RDH11: variants seen among roughly 807,000 people sequenced by gnomAD.
RDH11 encodes HCV core-binding protein HCBP12.
RDH11 carries 19 observed loss-of-function variants against 33.4 expected under a neutral mutation model. That is an observed-to-expected ratio of 0.57 (90% CI 0.40 to 0.83). The LOEUF is 0.83. RDH11 is among the 40% of genes least tolerant of loss of function. The probability of loss-of-function intolerance (pLI) is 0.00; values close to 1 mark genes in which losing one functional copy is unlikely to be tolerated. For synonymous variants in RDH11, 154 were observed against 155.3 expected, an observed-to-expected ratio of 0.99 and a Z score of 0.06; for missense variants, 353 against 389.0, an observed-to-expected ratio of 0.91 and a Z score of 0.78.
At chr14:67,694,435 T>C (rs1452543340) in intron 1 of RDH11, among the ~76,000 whole-genome samples, 2 of 135,924 alleles carry the variant, frequency 1.5e-5, no homozygotes, top group African/African-American at 2.6e-5. Context: ...TCCTGGAATA[T>C]ATATATATAT....
chr14:67,684,380 G>T (rs2037650321), intron 6 of RDH11: 1 of 152,176 alleles, frequency 6.6e-6, no homozygotes, highest in South Asian at 2.1e-4. Context: ...ATGGAAAGGG[G>T]TAGAGAATGG....
chr14:67,681,155 G>A (rs2037611087), intron 6 of RDH11, among the ~76,000 whole-genome samples: 1 of 152,182 alleles, frequency 6.6e-6, no homozygotes, highest in South Asian at 2.1e-4. Context: ...AAAAGAGGAA[G>A]AGACACCAGG....
chr14:67,684,241 T>C (rs2037648818), intron 6 of RDH11, among the ~76,000 whole-genome samples: 1 of 152,194 alleles, frequency 6.6e-6, no homozygotes, highest in Non-Finnish European at 1.5e-5. Flanking sequence ...CTTAATGCTA[T>C]TTTCAGCTAC....
At position 67,677,227 on chromosome 14, in the gene RDH11, C is replaced by T. The variant is rs1227343328; in HGVS notation, c.*1094G>A. The T allele has an allele frequency of 1.3e-5, 2 of 152,080 alleles. No homozygotes were observed. The highest frequency in any genetic ancestry group is 6.6e-5 in the Admixed American group (1 of 15,260). 9.4% of individuals were successfully genotyped at this position (152,080 alleles called of 1,614,324 possible). Reference sequence around the variant, plus strand: ...CCAAATAAAATACAAAATTTTGGCACAGACATTTTAATCTTGTCAAGACAA... The same window carrying T: ...CCAAATAAAATACAAAATTTTGGCATAGACATTTTAATCTTGTCAAGACAA... On this transcript the variant is annotated 3_prime_UTR_variant, in exon 7 of 7. Transcript: ENST00000381346.
intron 4 of RDH11, 100 bp from the exon 5 acceptor site, chr14:67,690,521 A>G: frequency 2.1e-6 from 2 of 954,640 alleles, no homozygotes; most frequent in Non-Finnish European, 3.2e-6. Context: ...TAATTCAGAA[A>G]TAAGGTCTTT....
chr14:67,678,416 G>A lies in RDH11; in HGVS notation c.862C>T (p.His288Tyr), dbSNP rs2037571539. Residue 288 changes from histidine to tyrosine, a missense_variant, in exon 7 of 7, where the codon CAT (histidine) becomes TAT (tyrosine). Coordinates refer to ENST00000381346, the MANE Select transcript of RDH11 (RefSeq NM_016026.4). ...GCTTGGGCAGAGACCCATGCCACATGACAGTCACTGGAAGGTAAAGAGAAA... is the reference window on the plus strand; with the variant it reads ...GCTTGGGCAGAGACCCATGCCACATAACAGTCACTGGAAGGTAAAGAGAAA... The part of the protein sequence containing the change: ...ILSGNHFSDC[H>Y]VAWVSAQARN... 3.1e-6 allele frequency: 5 copies of A among 1,610,630 alleles called. No homozygotes were observed. The highest frequency in any genetic ancestry group is 4.2e-6 in the Non-Finnish European group (5 of 1,176,984).
chr14:67,692,245 A>AT, intron 3 of RDH11, 193 bp downstream of exon 3: 1 of 602,900 alleles, frequency 1.7e-6, no homozygotes, highest in Non-Finnish European at 2.9e-6. Context: ...TTTTGAATTC[A>AT]TTTTTTGTTT....
intron 5 of RDH11, among the ~76,000 whole-genome samples, chr14:67,687,040 C>T (rs762646909): frequency 1.3e-5 from 2 of 152,140 alleles, no homozygotes; most frequent in Non-Finnish European, 2.9e-5. Flanking sequence ...GCAGTGTTCC[C>T]GACATGCCCA....
chr14:67,692,304 T>C (rs1464934645), intron 3 of RDH11, 134 bp downstream of exon 3: 7 of 852,280 alleles, frequency 8.2e-6, no homozygotes, highest in Non-Finnish European at 1.1e-5. Context: ...CCAGTGACTA[T>C]GAGTTCAGCT....
chr14:67,689,003 G>A (rs1358576619), intron 5 of RDH11, among the ~76,000 whole-genome samples: 2 of 152,114 alleles, frequency 1.3e-5, no homozygotes, highest in Non-Finnish European at 2.9e-5. Context: ...GCACCATAAT[G>A]ATTTTCCACT....
At chr14:67,693,196 G>A (rs2037777604) in intron 1 of RDH11, 144 bp from the exon 2 acceptor site, 2 of 534,674 alleles carry the variant, frequency 3.7e-6, no homozygotes, top group Non-Finnish European at 6.5e-6. Context: ...TCCATTTAAG[G>A]AAAGTTGGAG....
Position 67,678,234 on chromosome 14 carries a change from T to C in RDH11, c.*87A>G, listed in dbSNP as rs1236446127. 1 of 924,062 alleles carries C rather than the reference T, an allele frequency of 1.1e-6. No individual in the cohort carries two copies. Among genetic ancestry groups the C allele is most frequent in the African/African-American group, 1.6e-5 (1 of 60,894 alleles). 57.2% of individuals were successfully genotyped at this position (924,062 alleles called of 1,614,324 possible). ...GTTTTGCTCTCTTTGTGCTAAAGGTTTTGAAAACCTTGAAGGAGAATCATT... is the reference window on the plus strand; with the variant it reads ...GTTTTGCTCTCTTTGTGCTAAAGGTCTTGAAAACCTTGAAGGAGAATCATT... On this transcript the variant is annotated 3_prime_UTR_variant, in exon 7 of 7. Coordinates refer to ENST00000381346, the MANE Select transcript of RDH11 (RefSeq NM_016026.4).
At chr14:67,688,781 T>A (rs2037712396) in intron 5 of RDH11, among the ~76,000 whole-genome samples, 1 of 152,164 alleles carries the variant, frequency 6.6e-6, no homozygotes, top group South Asian at 2.1e-4. Context: ...ATTACTAGAC[T>A]GATTTTACAT....
chr14:67,687,697 C>T (rs1320862222), intron 5 of RDH11, among the ~76,000 whole-genome samples: 1 of 151,882 alleles, frequency 6.6e-6, no homozygotes, highest in Non-Finnish European at 1.5e-5. Flanking sequence ...TCTTGAACTC[C>T]TGACCTCAGG....
In RDH11 at chr14:67,685,138, G is replaced by C. The variant is rs1217706120; in HGVS notation, c.731C>G (p.Ser244Cys). 6.2e-7 allele frequency: 1 copy of C among 1,614,086 alleles called. No individual in the cohort carries two copies. The change falls in exon 6 of 7, where the codon TCT becomes TGT. Residue 244 changes from serine (S) to cysteine (C), a missense_variant. Ser to Cys is a moderately radical substitution (Grantham distance 112). Coordinates refer to ENST00000381346, the MANE Select transcript of RDH11 (RefSeq NM_016026.4). ...TVQSELVRHS[S>C]FMRWMWWLFS... is the part of the protein sequence containing the mutation. ...AAGCCACCACATCCATCTCATGAAAGATGAGTGCCGAACCAGTTCAGATTG... is the reference window on the plus strand; with the variant it reads ...AAGCCACCACATCCATCTCATGAAACATGAGTGCCGAACCAGTTCAGATTG...
intron 1 of RDH11, 62 bp from the exon 2 acceptor site, chr14:67,693,114 T>G (rs1311743882): frequency 9.3e-7 from 1 of 1,076,480 alleles, no homozygotes; most frequent in Non-Finnish European, 1.4e-6. Flanking sequence ...AGTAGGTTCC[T>G]GCAACTCCCT....
Position 67,692,716 on chromosome 14 carries a change from G to T in RDH11, c.194-123C>A, listed in dbSNP as rs908319915. 5.1e-6 allele frequency: 6 copies of T among 1,182,930 alleles called. No homozygotes were observed. In the African/African-American group the frequency reaches 7.8e-5, roughly 15 times the overall value. The allele number at this position is 1,182,930 out of a possible 1,614,324, so 73.3% of individuals were successfully genotyped here. On this transcript the variant is annotated intron_variant, in intron 2 of 6. Transcript: ENST00000381346. ...TTTTTACCCTTTCTTCACAACAGAG[G>T]TATCTGATTAGCAAATAGGTAAAGA...
In RDH11 at chr14:67,690,427, G is replaced by A; in HGVS notation, c.455-6C>T. On this transcript the variant is annotated splice_polypyrimidine_tract_variant and splice_region_variant and intron_variant, in intron 4 of 6. Coordinates refer to ENST00000381346, the MANE Select transcript of RDH11 (RefSeq NM_016026.4). ...ATGGGTTAGGAGGAAGTGACCTGTT[G>A]AGAAATACTAGAATTAATGAAGTTC... 6.2e-7 allele frequency: 1 copy of A among 1,612,812 alleles called. No homozygotes were observed. Among genetic ancestry groups the A allele is most frequent in the Non-Finnish European group, 8.5e-7 (1 of 1,178,790 alleles).
chr14:67,693,055 G>A lies in RDH11; in HGVS notation c.75-3C>T. The A allele has an allele frequency of 6.2e-7, 1 of 1,601,910 alleles. No homozygotes were observed. The highest frequency in any genetic ancestry group is 2.2e-5 in the East Asian group (1 of 44,516). Reference sequence around the variant, plus strand: ...ACACCCCACTGGACAGCATTTTCCTGCAGACAGAGAAGGAGAGCTCATCAA... The same window carrying A: ...ACACCCCACTGGACAGCATTTTCCTACAGACAGAGAAGGAGAGCTCATCAA... On this transcript the variant is annotated splice_polypyrimidine_tract_variant and splice_region_variant and intron_variant, in intron 1 of 6. Coordinates refer to ENST00000381346, the MANE Select transcript of RDH11 (RefSeq NM_016026.4).
Sources: allele counts gnomAD v4.1 joint callset (sites outside exome capture counted in the v4.1 genomes callset), GRCh38; gene constraint gnomAD v4.1.1; transcripts MANE v1.5; gene names NCBI Gene and HGNC (gene_info 2026-07-23, HGNC 2026-07-21).